The following SBNO1 variants were observed in gnomAD, a reference collection of about 807,000 sequenced individuals.
SBNO1 encodes strawberry notch homolog 1.
In SBNO1, 23 loss-of-function variants were observed where a neutral mutation model predicts 173.6. The ratio of observed to expected loss-of-function variants is 0.13; its 90% CI spans 0.10 to 0.19. The LOEUF (loss-of-function observed/expected upper bound fraction) is 0.19, where lower values mean the gene tolerates loss of function less well. Ranked by LOEUF, SBNO1 falls within the 10% of genes least tolerant of loss-of-function variation. The pLI is 1.00. For missense variants in SBNO1, 1,238 were observed against 1,671.2 expected (o/e 0.74, Z 4.52); for synonymous variants, 632 against 571.5 (o/e 1.11, Z -1.51).
chr12:123,297,329 C>CA (rs11427958), intron 31 of SBNO1, among the ~76,000 whole-genome samples: 3,707 of 31,878 alleles, frequency 0.12, 455 homozygotes, highest in East Asian at 0.21. Flanking sequence ...GACTCAGTCT[C>CA]AAAAAAAAAA....
At chr12:123,302,369 A>C (rs987469739) in intron 30 of SBNO1, among the ~76,000 whole-genome samples, 2 of 151,812 alleles carry the variant, frequency 1.3e-5, no homozygotes, top group Non-Finnish European at 2.9e-5. Flanking sequence ...CAGCCTCCCA[A>C]GTAGCTGGGA....
intron 21 of SBNO1, among the ~76,000 whole-genome samples, chr12:123,316,302 G>A (rs1007165815): frequency 6.6e-6 from 1 of 152,152 alleles, no homozygotes; most frequent in Admixed American, 6.5e-5. Flanking sequence ...TTGGCTCACT[G>A]CAACCTCCGC....
At chr12:123,350,721 C>G (rs1480481891) in intron 1 of SBNO1, among the ~76,000 whole-genome samples, 1 of 152,168 alleles carries the variant, frequency 6.6e-6, no homozygotes, top group Non-Finnish European at 1.5e-5. Context: ...TTTGTGGAAG[C>G]AGAGATGTTA....
At chr12:123,324,948 A>AG (rs1239884190) in intron 15 of SBNO1, among the ~76,000 whole-genome samples, 21 of 152,034 alleles carry the variant, frequency 1.4e-4, no homozygotes, top group African/African-American at 5.1e-4. Context: ...AGGTGGGACT[A>AG]CAGGACGTGT....
chr12:123,326,728 T>G, intron 13 of SBNO1, among the ~76,000 whole-genome samples: 1 of 152,046 alleles, frequency 6.6e-6, no homozygotes, highest in East Asian at 1.9e-4. Flanking sequence ...GAGTTCCAGA[T>G]CAGGCTGGGC....
intron 30 of SBNO1, among the ~76,000 whole-genome samples, chr12:123,301,750 T>A (rs2048795507): frequency 6.6e-6 from 1 of 151,910 alleles, no homozygotes; most frequent in South Asian, 2.1e-4. Flanking sequence ...AAAGCTTTTT[T>A]AAAAAAGAGA....
rs118159293 is a variant in SBNO1, at chr12:123,334,693, G to C, written c.749-480C>G. On this transcript the variant is annotated intron_variant, in intron 6 of 31. Coordinates refer to ENST00000602398, the MANE Select transcript of SBNO1 (RefSeq NM_001167856.3). ...ACTGCACTCCAGCCTGAGTGATGCAGTGAGACTCTGTCTCAAAAAATAAAT... is the reference window on the plus strand; with the variant it reads ...ACTGCACTCCAGCCTGAGTGATGCACTGAGACTCTGTCTCAAAAAATAAAT... 1.8e-3 allele frequency among the ~76,000 whole-genome samples: 279 copies of C among 152,156 alleles called. 1 individual carries two copies. The East Asian group carries it at 0.035, about 19-fold the overall frequency.
chr12:123,333,441 C>G (rs1315949077), intron 7 of SBNO1, among the ~76,000 whole-genome samples: 1 of 152,092 alleles, frequency 6.6e-6, no homozygotes, highest in East Asian at 1.9e-4. Context: ...ATGTTCTTAT[C>G]TAACAGTTCC....
intron 1 of SBNO1, among the ~76,000 whole-genome samples, chr12:123,355,624 C>T (rs1468382288): frequency 6.6e-6 from 1 of 151,412 alleles, no homozygotes; most frequent in Admixed American, 6.6e-5. Context: ...TAAAAACAAA[C>T]CTCAAAAAAT....
At chr12:123,342,557 TAGA>T (rs1307771694) in intron 4 of SBNO1, among the ~76,000 whole-genome samples, 5 of 152,248 alleles carry the variant, frequency 3.3e-5, no homozygotes, top group African/African-American at 1.2e-4. Context: ...TAATTATTTC[TAGA>T]AGAAGAAAAA....
chr12:123,346,210 C>G (rs940398090), intron 3 of SBNO1, among the ~76,000 whole-genome samples: 1 of 152,170 alleles, frequency 6.6e-6, no homozygotes, highest in Non-Finnish European at 1.5e-5. Context: ...GATTTTAAGA[C>G]CAGCCTTGGC....
Position 123,302,858 on chromosome 12 carries a change from T to C in SBNO1, c.3811A>G (p.Asn1271Asp). 1 of 1,613,698 alleles carries C rather than the reference T, an allele frequency of 6.2e-7. No individual in the cohort carries two copies. The highest frequency in any genetic ancestry group is 1.1e-5 in the South Asian group (1 of 91,064). ...DALMHWLDQY[N>D]SSADTCTHAY... ...TGAGTACAAGTATCTGCAGATGAAT[T>C]ATACTGATCTAACCAGTGCATCAGG... The change falls in exon 30 of 32, where the codon AAT becomes GAT. Residue 1271 changes from asparagine to aspartate, a missense_variant. Physicochemically the swap from Asn to Asp is conservative, Grantham distance 23. Around this residue, in one of 14 missense-constraint regions of SBNO1, gnomAD observed 351 missense variants for 420.3 expected, o/e 0.84. Coordinates refer to ENST00000602398, the MANE Select transcript of SBNO1 (RefSeq NM_001167856.3).
intron 3 of SBNO1, 41 bp from the exon 4 acceptor site, chr12:123,345,611 A>G (rs1566049876): frequency 6.5e-7 from 1 of 1,536,750 alleles, no homozygotes; most frequent in African/African-American, 1.4e-5. Context: ...AAAATGCTTC[A>G]TTCTCTAATG....
intron 29 of SBNO1, among the ~76,000 whole-genome samples, chr12:123,303,947 G>GTTTC (rs1566022738): frequency 4.3e-5 from 3 of 70,412 alleles, no homozygotes; most frequent in African/African-American, 1.1e-4. Flanking sequence ...TTTTTTTTGA[G>GTTTC]ACGGAGTCTT....
chr12:123,363,037 GACC>G (rs1227423471), intron 1 of SBNO1, among the ~76,000 whole-genome samples: 1 of 152,100 alleles, frequency 6.6e-6, no homozygotes, highest in African/African-American at 2.4e-5. Context: ...AGTGAGCTAT[GACC>G]ACGTCACTGC....
At chr12:123,311,356 C>A (rs1176517535) in intron 24 of SBNO1, among the ~76,000 whole-genome samples, 1 of 152,114 alleles carries the variant, frequency 6.6e-6, no homozygotes, top group Non-Finnish European at 1.5e-5. Flanking sequence ...TATTAACTCT[C>A]TTCATTATAC....
At chr12:123,297,926 G>C (rs2048662228) in intron 31 of SBNO1, 52 bp downstream of exon 31, 1 of 1,540,494 alleles carries the variant, frequency 6.5e-7, no homozygotes, top group African/African-American at 1.4e-5. Flanking sequence ...TGAGAAAAAA[G>C]TCGGATCCGA....
chr12:123,315,162 A>C (rs546939013), intron 23 of SBNO1, among the ~76,000 whole-genome samples: 22 of 152,230 alleles, frequency 1.4e-4, no homozygotes, highest in Non-Finnish European at 2.8e-4. Context: ...CTTGTTTTCC[A>C]AAAGGAATAA....
At chr12:123,325,389 T>TA (rs1441989731) in intron 15 of SBNO1, 113 bp downstream of exon 15, 4 of 700,714 alleles carry the variant, frequency 5.7e-6, no homozygotes, top group Non-Finnish European at 1.0e-5. Flanking sequence ...CAAGAAAACT[T>TA]AAAGATGATG....
Sources: gnomAD v4.1 joint callset for allele counts (sites outside exome capture counted in the v4.1 genomes callset) on GRCh38, gnomAD v4.1.1 for gene constraint, gnomAD v4.1.1 regional missense constraint, MANE v1.5 for transcripts, NCBI Gene and HGNC (gene_info 2026-07-23, HGNC 2026-07-21) for gene names.